TLE1: variants seen among roughly 807,000 people sequenced by gnomAD.
The protein encoded by TLE1 is TLE family member 1, transcriptional corepressor.
Under a neutral mutation model 89.8 loss-of-function variants are expected in TLE1, and 21 were observed. The observed-to-expected ratio is 0.23, with a 90% confidence interval of 0.17 to 0.34. The LOEUF (loss-of-function observed/expected upper bound fraction) is 0.34. Among genes scored for constraint, TLE1 ranks in the 10% least tolerant of loss-of-function variants. TLE1 has a pLI of 1.00. For missense variants in TLE1, 795 were observed against 1,031.2 expected, an observed-to-expected ratio of 0.77 and a Z score of 3.14; for synonymous variants, 447 against 407.6, an observed-to-expected ratio of 1.10 and a Z score of -1.16.
chr9:81,630,850 C>T (rs1226076475), intron 8 of TLE1, among the ~76,000 whole-genome samples: 1 of 152,190 alleles, frequency 6.6e-6, no homozygotes, highest in East Asian at 1.9e-4. Context: ...GTTTGAAGAG[C>T]TACTTAATTT....
At position 81,611,879 on chromosome 9, in the gene TLE1, C is replaced by T. The variant is rs750504926; in HGVS notation, c.1144G>A (p.Gly382Ser). ...GCAGCGCCTGGGCTGGTCAGCTCGC[C>T]GTTCATGCCAGCGTGGGGGACCATC... ...FGMVPHAGMN[G>S]ELTSPGAAYA... The change falls in exon 13 of 20, where the codon GGC becomes AGC. Residue 382 changes from glycine to serine, a missense_variant. Physicochemically the swap from Gly to Ser is moderately conservative, Grantham distance 56. Coordinates refer to ENST00000376499, the MANE Select transcript of TLE1 (RefSeq NM_005077.5). 1.6e-5 allele frequency: 25 copies of T among 1,552,320 alleles called. No individual in the cohort carries two copies. Among genetic ancestry groups the T allele is most frequent in the Non-Finnish European group, 2.1e-5 (24 of 1,152,282 alleles).
intron 14 of TLE1, among the ~76,000 whole-genome samples, chr9:81,599,140 G>A (rs923749664): frequency 7.9e-5 from 12 of 152,174 alleles, no homozygotes; most frequent in Admixed American, 2.6e-4. Flanking sequence ...AAACTATGAA[G>A]CGCAATATAG....
chr9:81,606,670 A>G (rs769501789), intron 14 of TLE1, among the ~76,000 whole-genome samples: 3 of 151,974 alleles, frequency 2.0e-5, no homozygotes, highest in Non-Finnish European at 2.9e-5. Flanking sequence ...AGAAATACCT[A>G]ATGTAAATAA....
intron 6 of TLE1, among the ~76,000 whole-genome samples, chr9:81,639,396 G>A (rs899267809): frequency 1.1e-4 from 16 of 151,398 alleles, no homozygotes; most frequent in Admixed American, 3.3e-4. Flanking sequence ...AAACCTGCCC[G>A]TCATTTGGAA....
rs1191186053 is a variant in TLE1 at position 81,590,969 on chromosome 9, G to A, written c.1665C>T (p.Ser555=). The part of the protein sequence containing the change: ...LIVGGEASTL[S]IWDLAAPTPR... ...GGGTTGGAGCCGCCAGGTCCCAAAT[G>A]GACAAAGTACTGGCTTCCCCTCCCA... Residue 555 remains serine, a synonymous_variant, in exon 16 of 20, where the codon TCC becomes TCT. Transcript: ENST00000376499. The A allele has an allele frequency of 1.9e-6, 3 of 1,614,122 alleles. No individual in the cohort carries two copies. Among genetic ancestry groups the A allele is most frequent in the African/African-American group, 1.3e-5 (1 of 74,936 alleles).
intron 4 of TLE1, among the ~76,000 whole-genome samples, chr9:81,678,355 AG>A (rs1264492855): frequency 2.7e-5 from 4 of 147,730 alleles, no homozygotes; most frequent in African/African-American, 1.0e-4. Flanking sequence ...CTAGTACTAC[AG>A]GTCTGTACCA....
intron 15 of TLE1, 64 bp downstream of exon 15, chr9:81,592,961 A>T: frequency 6.4e-7 from 1 of 1,562,000 alleles, no homozygotes; most frequent in South Asian, 1.2e-5. Context: ...AGGCCCACAC[A>T]GCTATTTCCT....
At chr9:81,656,602 G>A (rs1376680062) in intron 4 of TLE1, among the ~76,000 whole-genome samples, 3 of 152,314 alleles carry the variant, frequency 2.0e-5, no homozygotes, top group African/African-American at 7.2e-5. Flanking sequence ...TCTCACTTAT[G>A]TGCACAGAAG....
At chr9:81,663,552 G>A (rs1831082096) in intron 4 of TLE1, among the ~76,000 whole-genome samples, 1 of 151,824 alleles carries the variant, frequency 6.6e-6, no homozygotes, top group Non-Finnish European at 1.5e-5. Context: ...TACAGAAAGT[G>A]CCTCTCATCT....
intron 4 of TLE1, among the ~76,000 whole-genome samples, chr9:81,663,459 A>G (rs1295765112): frequency 6.6e-6 from 1 of 152,188 alleles, no homozygotes; most frequent in Non-Finnish European, 1.5e-5. Flanking sequence ...AAAGCAACGC[A>G]GCTGCTGAAA....
In TLE1 at chr9:81,584,103, T is replaced by C; in HGVS notation, c.*95A>G. 1 of 1,134,624 alleles carries C rather than the reference T, an allele frequency of 8.8e-7. No individual in the cohort carries two copies. Among genetic ancestry groups the C allele is most frequent in the Non-Finnish European group, 1.3e-6 (1 of 770,748 alleles). The allele number at this position is 1,134,624 out of a possible 1,614,324, so 70.3% of individuals were successfully genotyped here. A position where few individuals can be genotyped will look rare whatever the true frequency, so the allele number is the denominator to read the frequency against. On this transcript the variant is annotated 3_prime_UTR_variant, in exon 20 of 20. Coordinates refer to ENST00000376499, the MANE Select transcript of TLE1 (RefSeq NM_005077.5). Reference sequence around the variant, plus strand: ...AAGGTTTGGAAACAGGTGTTTGTAATTTTTTTTCTCTTTTAAAGTTACAAC... The same window carrying C: ...AAGGTTTGGAAACAGGTGTTTGTAACTTTTTTTCTCTTTTAAAGTTACAAC...
intron 13 of TLE1, among the ~76,000 whole-genome samples, chr9:81,611,219 G>A (rs751535248): frequency 2.0e-4 from 30 of 152,126 alleles, no homozygotes; most frequent in Non-Finnish European, 3.8e-4. Context: ...GCAAACAGAC[G>A]AGAGACAGCC....
chr9:81,654,069 T>TA, intron 4 of TLE1, 33 bp from the exon 5 acceptor site: 1 of 1,607,076 alleles, frequency 6.2e-7, no homozygotes, highest in East Asian at 2.2e-5. Context: ...ATGTTTAGAA[T>TA]ACTTCACAAT....
intron 4 of TLE1, among the ~76,000 whole-genome samples, chr9:81,681,440 C>T (rs1833611487): frequency 6.6e-6 from 1 of 151,912 alleles, no homozygotes; most frequent in Non-Finnish European, 1.5e-5. Flanking sequence ...ATCCCAACTA[C>T]TGAGGAGGCT....
At chr9:81,602,689 G>A (rs952492927) in intron 14 of TLE1, among the ~76,000 whole-genome samples, 1 of 152,160 alleles carries the variant, frequency 6.6e-6, no homozygotes, top group Admixed American at 6.5e-5. Context: ...GAAGATCTCT[G>A]TGCAACACAT....
chr9:81,627,831 G>C (rs1180344071), intron 8 of TLE1, among the ~76,000 whole-genome samples: 1 of 152,130 alleles, frequency 6.6e-6, no homozygotes, highest in African/African-American at 2.4e-5. Flanking sequence ...TCAGTTTCAC[G>C]GTGCTGACAT....
intron 6 of TLE1, among the ~76,000 whole-genome samples, chr9:81,640,197 G>A (rs1827931684): frequency 6.6e-6 from 1 of 152,120 alleles, no homozygotes; most frequent in Non-Finnish European, 1.5e-5. Context: ...TTAGACCTAA[G>A]CTGATATTCT....
rs150422613 is a variant in TLE1 at position 81,633,362 on chromosome 9, T to C, written c.580A>G (p.Arg194Gly). The C allele has an allele frequency of 1.9e-6, 3 of 1,613,688 alleles. No homozygotes were observed. Among genetic ancestry groups the C allele is most frequent in the Non-Finnish European group, 2.5e-6 (3 of 1,179,940 alleles). ...TGAGTACTTACTGTGCCCGGCTCTC[T>C]GTCTGCTCCCGAGGTTACCAAGAAA... is the stretch of plus-strand genomic sequence containing the variant. ...KHHDAEHHRD[R>G]EPGTSNSLLV... The change falls in exon 8 of 20, where the codon AGA (arginine) becomes GGA (glycine). Residue 194 changes from arginine to glycine, a missense_variant and splice_region_variant. Physicochemically the swap from Arg to Gly is moderately radical, Grantham distance 125. Around this residue, in one of 4 missense-constraint regions of TLE1, gnomAD observed 468 missense variants for 509.1 expected, o/e 0.92. Transcript: ENST00000376499.
chr9:81,683,121 G>A (rs1284861126), intron 4 of TLE1, among the ~76,000 whole-genome samples: 4 of 152,008 alleles, frequency 2.6e-5, no homozygotes, highest in Non-Finnish European at 4.4e-5. Context: ...AACTCACTCC[G>A]ACAAACCCGT....
Sources: allele counts gnomAD v4.1 joint callset (sites outside exome capture counted in the v4.1 genomes callset), GRCh38; gene constraint gnomAD v4.1.1; regional missense constraint gnomAD v4.1.1; transcripts MANE v1.5; gene names NCBI Gene and HGNC (gene_info 2026-07-23, HGNC 2026-07-21).